TEX2: variants seen among roughly 807,000 people sequenced by gnomAD.
The protein encoded by TEX2 is testis expressed 2.
In TEX2, 53 loss-of-function variants were observed where a neutral mutation model predicts 106.9. That is an observed-to-expected ratio of 0.50 (90% CI 0.40 to 0.62). The LOEUF is 0.62. Among genes scored for constraint, TEX2 ranks in the 20% least tolerant of loss-of-function variants. The pLI is 0.00. For synonymous variants in TEX2, 523 were observed against 534.8 expected (o/e 0.98, Z 0.30); for missense variants, 1,207 against 1,379.0 (o/e 0.88, Z 1.98).
At chr17:64,180,636 G>A (rs1002029405) in intron 5 of TEX2, among the ~76,000 whole-genome samples, 22 of 152,346 alleles carry the variant, frequency 1.4e-4, no homozygotes, top group African/African-American at 4.8e-4. Flanking sequence ...GCTATAGGAT[G>A]AAATGTGTGG....
intron 2 of TEX2, among the ~76,000 whole-genome samples, chr17:64,206,110 C>A (rs1555630710): frequency 6.6e-6 from 1 of 152,184 alleles, no homozygotes; most frequent in African/African-American, 2.4e-5. Context: ...GCTAAGCAAA[C>A]ATGCCAAGTG....
intron 1 of TEX2, among the ~76,000 whole-genome samples, chr17:64,219,499 C>CATAACATAA (rs1567951376): frequency 3.9e-5 from 5 of 128,620 alleles, no homozygotes; most frequent in African/African-American, 1.2e-4. Context: ...GAGTGAGACT[C>CATAACATAA]CATCTCATCA....
chr17:64,192,399 G>A (rs1367363027), intron 4 of TEX2, among the ~76,000 whole-genome samples: 1 of 152,226 alleles, frequency 6.6e-6, no homozygotes, highest in African/African-American at 2.4e-5. Flanking sequence ...AGTGTGGAGT[G>A]ATGCGGCTGC....
intron 1 of TEX2, among the ~76,000 whole-genome samples, chr17:64,214,939 C>T (rs1476911323): frequency 2.6e-5 from 4 of 152,174 alleles, no homozygotes; most frequent in African/African-American, 9.7e-5. Flanking sequence ...CAGGATAAAG[C>T]AAACATATTT....
intron 6 of TEX2, among the ~76,000 whole-genome samples, chr17:64,173,794 TAG>T (rs926798712): frequency 2.6e-5 from 4 of 152,182 alleles, no homozygotes; most frequent in African/African-American, 9.7e-5. Context: ...CATGCCAAGT[TAG>T]AGAGACTTCC....
chr17:64,194,874 T>A, intron 3 of TEX2, 21 bp downstream of exon 3: 1 of 1,612,390 alleles, frequency 6.2e-7, no homozygotes, highest in South Asian at 1.1e-5. Context: ...AAGCTATCCT[T>A]CCAAAATTGC....
At chr17:64,234,260 T>C (rs1018131879) in intron 1 of TEX2, among the ~76,000 whole-genome samples, 5 of 152,232 alleles carry the variant, frequency 3.3e-5, no homozygotes, top group Admixed American at 6.5e-5. Flanking sequence ...GATGGCTGTA[T>C]TGGGGCTCCA....
intron 5 of TEX2, 38 bp from the exon 6 acceptor site, chr17:64,177,509 A>C (rs2031663223): frequency 6.2e-7 from 1 of 1,605,470 alleles, no homozygotes; most frequent in Non-Finnish European, 8.5e-7. Flanking sequence ...GCTAGAAAGC[A>C]ACTGGAGAAT....
chr17:64,213,084 T>C lies in TEX2; in HGVS notation c.1134A>G (p.Arg378=). Residue 378 remains arginine, a synonymous_variant, in exon 2 of 12, where the codon AGA becomes AGG. Transcript: ENST00000584379. This position sits in a 1 kb window ranked among gnomAD's most constrained non-coding sequence, Gnocchi z 4.4. ...DHPKSTGEPT[R]EIELKSSQGS... ...CCTGGGAACTTTTCAGTTCTATCTCTCTTGTGGGCTCACCAGTGGACTTTG... is the reference window on the plus strand; with the variant it reads ...CCTGGGAACTTTTCAGTTCTATCTCCCTTGTGGGCTCACCAGTGGACTTTG... 1 of 1,614,222 alleles carries C rather than the reference T, an allele frequency of 6.2e-7. No homozygotes were observed. The highest frequency in any genetic ancestry group is 8.5e-7 in the Non-Finnish European group (1 of 1,180,036).
At chr17:64,159,537 G>A (rs1302793208) in intron 8 of TEX2, among the ~76,000 whole-genome samples, 2 of 152,130 alleles carry the variant, frequency 1.3e-5, no homozygotes. Context: ...TACTCCTGGT[G>A]TCGGTTCTCT....
chr17:64,214,145 C>G lies in TEX2; in HGVS notation c.73G>C (p.Val25Leu). The change falls in exon 2 of 12, where the codon GTG becomes CTG. Residue 25 changes from valine to leucine, a missense_variant. Physicochemically the swap from Val to Leu is conservative, Grantham distance 32 (BLOSUM62 1). Around this residue, in one of 3 missense-constraint regions of TEX2, gnomAD observed 1,067 missense variants for 1,193.6 expected, o/e 0.89. Transcript: ENST00000584379. ...GTATCTCGGGACACGGACCTCTGCA[C>G]GTGCACTTTAGGGGCTGATGGTTTT... ...MPKPSAPKVH[V>L]QRSVSRDTIA... 1 of 1,614,178 alleles carries G rather than the reference C, an allele frequency of 6.2e-7. No homozygotes were observed.
At chr17:64,249,253 C>T (rs1000655413) in intron 1 of TEX2, among the ~76,000 whole-genome samples, 7 of 152,150 alleles carry the variant, frequency 4.6e-5, no homozygotes, top group Non-Finnish European at 8.8e-5. Flanking sequence ...TCTCACTCAA[C>T]GTTAACCAAT....
chr17:64,254,757 T>C (rs2034153894), intron 1 of TEX2, among the ~76,000 whole-genome samples: 1 of 152,254 alleles, frequency 6.6e-6, no homozygotes, highest in East Asian at 1.9e-4. Context: ...TTTCACAGTT[T>C]GGGCTTTGTG....
intron 1 of TEX2, among the ~76,000 whole-genome samples, chr17:64,247,451 G>C (rs782507791): frequency 6.6e-6 from 1 of 152,238 alleles, no homozygotes; most frequent in Admixed American, 6.5e-5. Flanking sequence ...AGGACACCTG[G>C]CTAGGATGAC....
intron 7 of TEX2, among the ~76,000 whole-genome samples, chr17:64,166,550 C>T (rs920859946): frequency 4.6e-5 from 7 of 152,198 alleles, no homozygotes; most frequent in Non-Finnish European, 8.8e-5. Flanking sequence ...TGGATTGAGG[C>T]AATCTGACTG....
chr17:64,212,204 G>A (rs994586043), intron 2 of TEX2, among the ~76,000 whole-genome samples: 2 of 152,098 alleles, frequency 1.3e-5, no homozygotes, highest in South Asian at 2.1e-4. Flanking sequence ...TTGCAATTCC[G>A]GGAGTATTTA....
chr17:64,250,274 A>C (rs529620246), intron 1 of TEX2, among the ~76,000 whole-genome samples: 1 of 152,320 alleles, frequency 6.6e-6, no homozygotes, highest in African/African-American at 2.4e-5. Context: ...GAGCATTTCC[A>C]TCATTTTTAT....
rs1293975084 is a variant in TEX2, at chr17:64,174,898, A to G, written c.2571+2427T>C. Among the ~76,000 whole-genome samples the G allele has an allele frequency of 5.3e-5, 8 of 152,318 alleles. No individual in the cohort carries two copies. The South Asian group carries it at 1.7e-3, about 32-fold the overall frequency. ...GCACACACAGGGCTGCTTTTTCACA[A>G]CATGAGTCATGATCATGTGCAAGGC... On this transcript the variant is annotated intron_variant, in intron 6 of 11. Coordinates refer to ENST00000584379, the MANE Select transcript of TEX2 (RefSeq NM_001288732.2).
Position 64,205,882 on chromosome 17 carries a change from T to C in TEX2, c.1644+6692A>G, listed in dbSNP as rs2032813179. On this transcript the variant is annotated intron_variant, in intron 2 of 11. Coordinates refer to ENST00000584379, the MANE Select transcript of TEX2 (RefSeq NM_001288732.2). The surrounding 1 kb of genome is among the most constrained non-coding windows in gnomAD (Gnocchi z 4.0). ...TGGATTATCACTCTGGAAACCAATA[T>C]GCTACTGCTGTGTTCTGCTGGTGGT... Among the ~76,000 whole-genome samples, 1 of 152,232 alleles carries C rather than the reference T, an allele frequency of 6.6e-6. No homozygotes were observed. The highest frequency in any genetic ancestry group is 1.5e-5 in the Non-Finnish European group (1 of 68,038).
Sources: gnomAD v4.1 joint callset for allele counts (sites outside exome capture counted in the v4.1 genomes callset) on GRCh38, gnomAD v4.1.1 for gene constraint, gnomAD v4.1.1 regional missense constraint, Gnocchi (gnomAD v3.1) non-coding constraint, MANE v1.5 for transcripts, NCBI Gene and HGNC (gene_info 2026-07-23, HGNC 2026-07-21) for gene names.